Variants in ABHD13 observed in about 807,000 individuals in gnomAD.
The protein encoded by ABHD13 is protein ABHD13.
ABHD13 carries 7 observed loss-of-function variants against 25.2 expected under a neutral mutation model. The observed-to-expected ratio is 0.28, with a 90% CI of 0.16 to 0.52. The LOEUF is 0.52. Among genes scored for constraint, ABHD13 ranks in the 20% least tolerant of loss-of-function variants. The pLI is 0.96. For synonymous variants in ABHD13, 133 were observed against 136.1 expected, an observed-to-expected ratio of 0.98 and a Z score of 0.16; for missense variants, 302 against 402.7, an observed-to-expected ratio of 0.75 and a Z score of 2.14.
chr13:108,233,952 TTC>T lies in ABHD13; in HGVS notation c.*3722_*3723del, dbSNP rs1474081164. The T allele has an allele frequency of 3.0e-5, 5 of 166,826 alleles. No homozygotes were observed. The highest frequency in any genetic ancestry group is 9.7e-5 in the African/African-American group (4 of 41,436). 10.3% of individuals were successfully genotyped at this position (166,826 alleles called of 1,614,324 possible). A position where few individuals can be genotyped will look rare whatever the true frequency, so the allele number is the denominator to read the frequency against. On this transcript the variant is annotated 3_prime_UTR_variant, in exon 2 of 2. Transcript: ENST00000375898. ...TGTGTTTAACATAATTTATAATTAT[TTC>T]TGTCAGTACAGCGTATATGGAAAAT...
Position 108,218,644 on chromosome 13 carries a change from C to G in ABHD13, c.-36C>G, listed in dbSNP as rs1039445142. 3 of 151,896 alleles carry G rather than the reference C, an allele frequency of 2.0e-5. No homozygotes were observed. Among genetic ancestry groups the G allele is most frequent in the Admixed American group, 2.0e-4 (3 of 15,276 alleles). 9.4% of individuals were successfully genotyped at this position (151,896 alleles called of 1,614,324 possible). A position where few individuals can be genotyped will look rare whatever the true frequency, so the allele number is the denominator to read the frequency against. On this transcript the variant is annotated 5_prime_UTR_variant, in exon 1 of 2. Transcript: ENST00000375898. ...TCGTGCCCGCGGCCGACTGCGCAGCCTGTCCGCGAGTCTGAGTAAGTGCGG... is the reference window on the plus strand; with the variant it reads ...TCGTGCCCGCGGCCGACTGCGCAGCGTGTCCGCGAGTCTGAGTAAGTGCGG...
In ABHD13 at chr13:108,230,490, G is replaced by C. The variant is rs1384164038; in HGVS notation, c.*258G>C. On this transcript the variant is annotated 3_prime_UTR_variant, in exon 2 of 2. Coordinates refer to ENST00000375898, the MANE Select transcript of ABHD13 (RefSeq NM_032859.3). The stretch of plus-strand genomic sequence containing the variant: ...TTCAGTTTAATATGTCAGTATAATA[G>C]ATATTGTTCAAAAGTTTCTTGTTGC... 1 of 304,970 alleles carries C rather than the reference G, an allele frequency of 3.3e-6. No individual in the cohort carries two copies. The highest frequency in any genetic ancestry group is 6.4e-6 in the Non-Finnish European group (1 of 155,636). The allele number at this position is 304,970 out of a possible 1,614,324, so 18.9% of individuals were successfully genotyped here. A position where few individuals can be genotyped will look rare whatever the true frequency, so the allele number is the denominator to read the frequency against.
intron 1 of ABHD13, among the ~76,000 whole-genome samples, chr13:108,225,887 G>C: frequency 6.6e-6 from 1 of 152,018 alleles, no homozygotes; most frequent in East Asian, 1.9e-4. Flanking sequence ...CCTTCTAGTT[G>C]GTATAAGTTT....
At position 108,229,953 on chromosome 13, in the gene ABHD13, T is replaced by C. The variant is rs370050249; in HGVS notation, c.735T>C (p.Asn245=). The C allele has an allele frequency of 6.1e-5, 99 of 1,613,176 alleles. No individual in the cohort carries two copies. Among genetic ancestry groups the C allele is most frequent in the Non-Finnish European group, 8.1e-5 (96 of 1,179,470 alleles). The change falls in exon 2 of 2, where the codon AAT becomes AAC. Residue 245 remains asparagine (N), a synonymous_variant. Coordinates refer to ENST00000375898, the MANE Select transcript of ABHD13 (RefSeq NM_032859.3). The surrounding 1 kb of genome is among the most constrained non-coding windows in gnomAD (Gnocchi z 4.7). ...ACCTTCCTTTATGGTGCTACAAAAATAAATTTTTGTCCTACAGAAAAATCT... is the reference window on the plus strand; with the variant it reads ...ACCTTCCTTTATGGTGCTACAAAAACAAATTTTTGTCCTACAGAAAAATCT... ...MRYLPLWCYK[N]KFLSYRKISQ... is the part of the protein sequence containing the mutation.
intron 1 of ABHD13, among the ~76,000 whole-genome samples, chr13:108,220,746 G>T (rs1879550550): frequency 1.3e-5 from 2 of 152,170 alleles, no homozygotes; most frequent in South Asian, 2.1e-4. Flanking sequence ...TGAGAATCTA[G>T]ATACTTCTAG....
At chr13:108,222,126 C>T (rs953229825) in intron 1 of ABHD13, among the ~76,000 whole-genome samples, 1 of 152,086 alleles carries the variant, frequency 6.6e-6, no homozygotes, top group African/African-American at 2.4e-5. Flanking sequence ...ACGCATGAGC[C>T]ACCATGCCTG....
At position 108,230,038 on chromosome 13, in the gene ABHD13, G is replaced by A; in HGVS notation, c.820G>A (p.Val274Ile). The A allele has an allele frequency of 6.2e-7, 1 of 1,613,138 alleles. No individual in the cohort carries two copies. The highest frequency in any genetic ancestry group is 8.5e-7 in the Non-Finnish European group (1 of 1,179,392). The change falls in exon 2 of 2, where the codon GTA (valine) becomes ATA (isoleucine). Residue 274 changes from valine (V) to isoleucine (I), a missense_variant. Val to Ile is a conservative substitution (Grantham distance 29, BLOSUM62 3). Coordinates refer to ENST00000375898, the MANE Select transcript of ABHD13 (RefSeq NM_032859.3). ...ACTCTCAGATCAATTAATTCCACCA[G>A]TAATGATGAAACAACTTTATGAACT... Reference protein sequence around the residue: ...SGLSDQLIPPVMMKQLYELSP... With the variant: ...SGLSDQLIPPIMMKQLYELSP...
intron 1 of ABHD13, among the ~76,000 whole-genome samples, chr13:108,225,705 A>G (rs1393724477): frequency 6.6e-6 from 1 of 151,724 alleles, no homozygotes; most frequent in Non-Finnish European, 1.5e-5. Flanking sequence ...ATAACATAGC[A>G]AACAGAAAAT....
In ABHD13 at chr13:108,229,596, C is replaced by A; in HGVS notation, c.378C>A (p.Asn126Lys). ...TIIYFHGNAG[N>K]IGHRLPNALL... ...TTTATTTTCATGGGAATGCAGGCAACATAGGTCACAGGTTGCCAAATGCAT... is the reference window on the plus strand; with the variant it reads ...TTTATTTTCATGGGAATGCAGGCAAAATAGGTCACAGGTTGCCAAATGCAT... The change falls in exon 2 of 2, where the codon AAC becomes AAA. Residue 126 changes from asparagine (N) to lysine (K), a missense_variant. Physicochemically the swap from Asn to Lys is moderately conservative, Grantham distance 94. Transcript: ENST00000375898. The surrounding 1 kb of genome is among the most constrained non-coding windows in gnomAD (Gnocchi z 4.7). 1 of 1,613,290 alleles carries A rather than the reference C, an allele frequency of 6.2e-7. No homozygotes were observed. Among genetic ancestry groups the A allele is most frequent in the Non-Finnish European group, 8.5e-7 (1 of 1,179,564 alleles).
rs1219731717 is a variant in ABHD13 at position 108,231,619 on chromosome 13, T to C, written c.*1387T>C. On this transcript the variant is annotated 3_prime_UTR_variant, in exon 2 of 2. Transcript: ENST00000375898. ...AGTTGTTTCATGCAGTCCTCAAAAA[T>C]TAGATGTAATTGAGCTTTGTGTAAT... 1 of 164,834 alleles carries C rather than the reference T, an allele frequency of 6.1e-6. No homozygotes were observed. Among genetic ancestry groups the C allele is most frequent in the Non-Finnish European group, 1.5e-5 (1 of 67,280 alleles). The allele number at this position is 164,834 out of a possible 1,614,324, so 10.2% of individuals were successfully genotyped here. A position where few individuals can be genotyped will look rare whatever the true frequency, so the allele number is the denominator to read the frequency against.
At chr13:108,225,064 T>A (rs1879646581) in intron 1 of ABHD13, among the ~76,000 whole-genome samples, 1 of 152,174 alleles carries the variant, frequency 6.6e-6, no homozygotes, top group Non-Finnish European at 1.5e-5. Context: ...TTTTTTTCAT[T>A]CAAATACAAG....
At position 108,229,534 on chromosome 13, in the gene ABHD13, T is replaced by C; in HGVS notation, c.316T>C (p.Tyr106His). ...GIRLNLILIR[Y>H]TGDNSPYSPT... is the part of the protein sequence containing the mutation. ...ACGTCTGAATCTTATTTTGATACGATACACTGGAGACAATTCACCCTATTC... is the reference window on the plus strand; with the variant it reads ...ACGTCTGAATCTTATTTTGATACGACACACTGGAGACAATTCACCCTATTC... Residue 106 changes from tyrosine to histidine, a missense_variant, in exon 2 of 2, where the codon TAC (tyrosine) becomes CAC (histidine). Physicochemically the swap from Tyr to His is moderately conservative, Grantham distance 83. Transcript: ENST00000375898. This position sits in a 1 kb window ranked among gnomAD's most constrained non-coding sequence, Gnocchi z 4.7. 1 of 1,613,468 alleles carries C rather than the reference T, an allele frequency of 6.2e-7. No homozygotes were observed. Among genetic ancestry groups the C allele is most frequent in the South Asian group, 1.1e-5 (1 of 91,058 alleles).
chr13:108,220,773 A>G (rs1343295787), intron 1 of ABHD13, among the ~76,000 whole-genome samples: 1 of 152,182 alleles, frequency 6.6e-6, no homozygotes, highest in Non-Finnish European at 1.5e-5. Flanking sequence ...TTCTAGTTGT[A>G]CTTACTTTCA....
At chr13:108,218,975 G>GT (rs912443497) in intron 1 of ABHD13, among the ~76,000 whole-genome samples, 2 of 152,122 alleles carry the variant, frequency 1.3e-5, no homozygotes, top group African/African-American at 4.8e-5. Context: ...GGCTCGCCGG[G>GT]TGTCGTTTTG....
chr13:108,225,330 A>T (rs1555308462), intron 1 of ABHD13, among the ~76,000 whole-genome samples: 1 of 152,164 alleles, frequency 6.6e-6, no homozygotes, highest in Non-Finnish European at 1.5e-5. Context: ...TAATTCATAC[A>T]CAGGTGTGAT....
intron 1 of ABHD13, among the ~76,000 whole-genome samples, chr13:108,221,954 C>T (rs1029140371): frequency 1.4e-4 from 22 of 151,998 alleles, no homozygotes; most frequent in African/African-American, 5.1e-4. Context: ...TCTCATGCCT[C>T]AGTCTCCCTA....
rs1879770595 is a variant in ABHD13, at chr13:108,230,185, TCTC to T, written c.970_972del (p.Pro324del). 2 of 1,604,584 alleles carry T rather than the reference TCTC, an allele frequency of 1.2e-6. No homozygotes were observed. The highest frequency in any genetic ancestry group is 1.7e-6 in the Non-Finnish European group (2 of 1,176,038). On this transcript the variant is annotated inframe_deletion, in exon 2 of 2. Coordinates refer to ENST00000375898, the MANE Select transcript of ABHD13 (RefSeq NM_032859.3). ...CATCAAAGAAGTCGTAAAGAGCCAT[TCTC>T]CTGAAGAAATGGCAAAAACTTCATC...
At chr13:108,222,555 G>A (rs1035369086) in intron 1 of ABHD13, among the ~76,000 whole-genome samples, 19 of 152,130 alleles carry the variant, frequency 1.2e-4, no homozygotes, top group African/African-American at 4.3e-4. Context: ...GTCTCAGACC[G>A]TTTACATTTT....
At chr13:108,223,565 A>G (rs1364829711) in intron 1 of ABHD13, among the ~76,000 whole-genome samples, 1 of 152,240 alleles carries the variant, frequency 6.6e-6, no homozygotes, top group Non-Finnish European at 1.5e-5. Context: ...CCGTGAGCTC[A>G]TGGTGATAAA....
Sources: allele counts gnomAD v4.1 joint callset (sites outside exome capture counted in the v4.1 genomes callset), GRCh38; gene constraint gnomAD v4.1.1; non-coding constraint Gnocchi (gnomAD v3.1); transcripts MANE v1.5; gene names NCBI Gene and HGNC (gene_info 2026-07-23, HGNC 2026-07-21).